THOC2: variants seen among roughly 807,000 people sequenced by gnomAD.
THOC2 encodes the protein THO complex subunit 2.
THOC2 carries 10 observed loss-of-function variants against 128.4 expected under a neutral mutation model. The ratio of observed to expected loss-of-function variants is 0.08; its 90% CI spans 0.05 to 0.13. THOC2 has a LOEUF of 0.13. Ranked by LOEUF, THOC2 falls within the 10% of genes least tolerant of loss-of-function variation. The pLI, the probability that THOC2 is intolerant of heterozygous loss-of-function variation, is 1.00. For missense variants in THOC2, 535 were observed against 1,155.7 expected, an observed-to-expected ratio of 0.46 and a Z score of 7.79; for synonymous variants, 393 against 396.9, an observed-to-expected ratio of 0.99 and a Z score of 0.12.
At chrX:123,662,453 T>G (rs1217872600) in intron 12 of THOC2, among the ~76,000 whole-genome samples, 1 of 107,972 alleles carries the variant, frequency 9.3e-6, no homozygotes, top group Non-Finnish European at 1.9e-5. Flanking sequence ...CCGGGCGTGG[T>G]GGTGGGCGCC....
At chrX:123,610,997 G>A (rs781480175) in intron 37 of THOC2, 34 bp from the exon 38 acceptor site, 14 of 1,193,168 alleles carry the variant, frequency 1.2e-5, no homozygotes, top group Non-Finnish European at 1.5e-5. Flanking sequence ...CAACTTTTGG[G>A]AATGGCGGAA....
intron 22 of THOC2, among the ~76,000 whole-genome samples, chrX:123,628,722 T>TA (rs79757468): frequency 0.021 from 1,735 of 84,011 alleles, 45 homozygotes; most frequent in African/African-American, 0.068. Context: ...AAATAAAAAT[T>TA]AAAAAAAAAA....
chrX:123,707,462 A>C (rs925828933), intron 2 of THOC2, among the ~76,000 whole-genome samples: 2 of 111,952 alleles, frequency 1.8e-5, no homozygotes, highest in African/African-American at 3.2e-5. Context: ...AGTGTGAGAG[A>C]AATTTCTCCC....
At chrX:123,656,353 AGAG>A (rs1456912529) in intron 12 of THOC2, among the ~76,000 whole-genome samples, 8 of 93,128 alleles carry the variant, frequency 8.6e-5, no homozygotes, top group Non-Finnish European at 1.7e-4. Flanking sequence ...AAAAAAAAAA[AGAG>A]AGAGAGAGAG....
At chrX:123,628,988 G>A (rs1013860840) in intron 22 of THOC2, among the ~76,000 whole-genome samples, 4 of 109,070 alleles carry the variant, frequency 3.7e-5, no homozygotes, top group African/African-American at 1.3e-4. Flanking sequence ...AGCTTCTTTC[G>A]TTTGACTGGT....
rs1603211086 is a variant in THOC2 at position 123,603,574 on chromosome X, G to T, written c.*19-2236C>A. 3.4e-6 allele frequency: 3 copies of T among 878,797 alleles called. No homozygotes were observed. The East Asian group carries it at 9.5e-5, about 28-fold the overall frequency. 72.4% of individuals were successfully genotyped at this position (878,797 alleles called of 1,213,427 possible). ...AATGTTCTGAAAATCAGTGACTTTGGAATGTCTCGTCAAGAGGATGGTGGT... is the reference window on the plus strand; with the variant it reads ...AATGTTCTGAAAATCAGTGACTTTGTAATGTCTCGTCAAGAGGATGGTGGT... On this transcript the variant is annotated intron_variant, in intron 38 of 38. Coordinates refer to ENST00000245838, the MANE Select transcript of THOC2 (RefSeq NM_001081550.2).
chrX:123,679,680 C>T (rs777855865), intron 8 of THOC2, among the ~76,000 whole-genome samples: 3 of 112,141 alleles, frequency 2.7e-5, no homozygotes, highest in African/African-American at 9.7e-5. Context: ...CAGATTGTTA[C>T]TGCGTCTGTG....
intron 12 of THOC2, among the ~76,000 whole-genome samples, chrX:123,653,461 T>G (rs1018455460): frequency 9.0e-6 from 1 of 111,360 alleles, no homozygotes; most frequent in Non-Finnish European, 1.9e-5. Context: ...CAAAAGAAAC[T>G]ATCATCAGAA....
intron 3 of THOC2, among the ~76,000 whole-genome samples, chrX:123,705,660 T>C (rs2050898121): frequency 9.1e-6 from 1 of 110,240 alleles, no homozygotes; most frequent in South Asian, 3.9e-4. Flanking sequence ...TACACCCCAA[T>C]ATGGGGTGGA....
chrX:123,713,003 T>A (rs938817068), intron 1 of THOC2, 95 bp from the exon 2 acceptor site: 30 of 539,207 alleles, frequency 5.6e-5, no homozygotes, highest in Admixed American at 8.8e-5. Context: ...TAAAAAAAAA[T>A]TTAATCAAGC....
chrX:123,628,051 T>C (rs1333965640), intron 22 of THOC2, 83 bp from the exon 23 acceptor site: 1 of 764,344 alleles, frequency 1.3e-6, no homozygotes, highest in African/African-American at 2.1e-5. Context: ...TAAAAATCTA[T>C]ATTCCCTTCT....
rs151063723 is a variant in THOC2, at chrX:123,713,000, A to C, written c.72-92T>G. 3.8e-3 allele frequency: 2,102 copies of C among 558,052 alleles called. 26 individuals are homozygous for C. In the African/African-American group the frequency reaches 0.043, roughly 11 times the overall value. The allele number at this position is 558,052 out of a possible 1,213,427, so 46.0% of individuals were successfully genotyped here. A position where few individuals can be genotyped will look rare whatever the true frequency, so the allele number is the denominator to read the frequency against. ...ATTATATCAACTGGCAAGTAAAAAA[A>C]AATTTAATCAAGCATTTATTCTGCC... On this transcript the variant is annotated intron_variant, in intron 1 of 38. Transcript: ENST00000245838.
At chrX:123,616,303 TC>T (rs760328906) in intron 33 of THOC2, among the ~76,000 whole-genome samples, 6 of 111,366 alleles carry the variant, frequency 5.4e-5, no homozygotes, top group Admixed American at 1.9e-4. Context: ...TTTACATACT[TC>T]CTAGTTCCTT....
chrX:123,728,222 G>T (rs1347092523), intron 1 of THOC2, among the ~76,000 whole-genome samples: 1 of 107,187 alleles, frequency 9.3e-6, no homozygotes, highest in Non-Finnish European at 1.9e-5. Flanking sequence ...GCATTTAAAA[G>T]AAAAGGAAAC....
At chrX:123,709,764 TCC>T (rs2051107276) in intron 2 of THOC2, among the ~76,000 whole-genome samples, 1 of 111,821 alleles carries the variant, frequency 8.9e-6, no homozygotes, top group African/African-American at 3.3e-5. Context: ...TTTTTAATTT[TCC>T]CAACACAAAG....
intron 36 of THOC2, 136 bp downstream of exon 36, chrX:123,613,263 C>A: frequency 1.6e-6 from 1 of 616,747 alleles, no homozygotes; most frequent in Non-Finnish European, 2.5e-6. Context: ...AATGCCCTCC[C>A]TCAATACCTC....
At chrX:123,603,016 A>G (rs2046339917) in intron 38 of THOC2, 1 of 109,862 alleles carries the variant, frequency 9.1e-6, no homozygotes, top group South Asian at 4.0e-4. Flanking sequence ...TCCAAAAGAA[A>G]AAAAAAAAAG....
chrX:123,624,682 A>T lies in THOC2; in HGVS notation c.3058-13T>A. On this transcript the variant is annotated splice_polypyrimidine_tract_variant and intron_variant, in intron 25 of 38. Transcript: ENST00000245838. ...TGTCAGAGAAAACCTACAGGAGAAA[A>T]ATGTTTAAAAAATATAAACAAATCA... is the stretch of plus-strand genomic sequence containing the variant. The T allele has an allele frequency of 8.4e-7, 1 of 1,190,188 alleles. No individual in the cohort carries two copies.
chrX:123,708,690 T>A (rs1383803139), intron 2 of THOC2, among the ~76,000 whole-genome samples: 2 of 111,869 alleles, frequency 1.8e-5, no homozygotes, highest in Non-Finnish European at 1.9e-5. Context: ...TAAAGTGACA[T>A]AAGAACAATC....
Sources: allele counts gnomAD v4.1 joint callset (sites outside exome capture counted in the v4.1 genomes callset), GRCh38; gene constraint gnomAD v4.1.1; transcripts MANE v1.5; gene names NCBI Gene and HGNC (gene_info 2026-07-23, HGNC 2026-07-21).